Variants in C2CD5 observed in about 807,000 individuals in gnomAD.
C2CD5 encodes C2 domain-containing protein 5.
C2CD5 carries 109 observed loss-of-function variants against 130.3 expected under a neutral mutation model. The observed-to-expected ratio is 0.84, with a 90% CI of 0.72 to 0.98. The LOEUF is 0.98. Ranked by LOEUF, C2CD5 falls within the 50% of genes least tolerant of loss-of-function variation. The probability of loss-of-function intolerance (pLI) is 0.00; values close to 1 mark genes in which losing one functional copy is unlikely to be tolerated. For synonymous variants in C2CD5, 454 were observed against 429.2 expected (o/e 1.06, Z -0.71); for missense variants, 996 against 1,261.8 (o/e 0.79, Z 3.19).
chr12:22,473,362 C>A (rs961344376), intron 16 of C2CD5, among the ~76,000 whole-genome samples: 2 of 152,178 alleles, frequency 1.3e-5, no homozygotes, highest in African/African-American at 4.8e-5. Context: ...AACCTGCAGA[C>A]TCGCTAAGCT....
intron 22 of C2CD5, among the ~76,000 whole-genome samples, chr12:22,465,802 C>T (rs1941973776): frequency 6.6e-6 from 1 of 152,028 alleles, no homozygotes; most frequent in African/African-American, 2.4e-5. Context: ...TCTCATAACA[C>T]ACTCTTGAAT....
intron 22 of C2CD5, among the ~76,000 whole-genome samples, chr12:22,466,561 C>G (rs189960450): frequency 6.6e-6 from 1 of 152,078 alleles, no homozygotes; most frequent in Non-Finnish European, 1.5e-5. Context: ...TTTTAAGACT[C>G]TATTATATTT....
intron 7 of C2CD5, among the ~76,000 whole-genome samples, chr12:22,522,669 T>TC (rs1950373241): frequency 6.6e-6 from 1 of 152,202 alleles, no homozygotes; most frequent in South Asian, 2.1e-4. Flanking sequence ...TACACTCAGT[T>TC]AGTTTATTCA....
At chr12:22,481,375 G>C (rs1944681722) in intron 14 of C2CD5, among the ~76,000 whole-genome samples, 1 of 152,078 alleles carries the variant, frequency 6.6e-6, no homozygotes, top group African/African-American at 2.4e-5. Flanking sequence ...ATTCAAATTT[G>C]AAAACTGCCA....
chr12:22,496,903 A>G (rs1372356362), intron 10 of C2CD5, among the ~76,000 whole-genome samples: 1 of 152,090 alleles, frequency 6.6e-6, no homozygotes, highest in East Asian at 1.9e-4. Context: ...AATTTTTACT[A>G]CGTTACATTC....
intron 3 of C2CD5, among the ~76,000 whole-genome samples, chr12:22,532,951 G>A (rs1440137868): frequency 1.3e-5 from 2 of 152,160 alleles, no homozygotes; most frequent in African/African-American, 4.8e-5. Flanking sequence ...GTAGTCCAAT[G>A]AAAATTCCAA....
At chr12:22,500,582 T>A (rs1035325138) in intron 10 of C2CD5, among the ~76,000 whole-genome samples, 1 of 152,192 alleles carries the variant, frequency 6.6e-6, no homozygotes, top group Non-Finnish European at 1.5e-5. Context: ...AATTATTTAA[T>A]GTCTGTCTAT....
chr12:22,506,670 A>C (rs1015851878), intron 10 of C2CD5, 41 bp downstream of exon 10: 4 of 1,097,346 alleles, frequency 3.6e-6, no homozygotes, highest in Non-Finnish European at 5.5e-6. Flanking sequence ...TAATAACCAC[A>C]ATTTAAATAA....
At chr12:22,458,925 A>G (rs909915565) in intron 23 of C2CD5, 1 of 168,766 alleles carries the variant, frequency 5.9e-6, no homozygotes, top group African/African-American at 2.4e-5. Context: ...AATTTACAAT[A>G]TTTCAGTTGT....
rs1372245935 is a variant in C2CD5 at position 22,497,898 on chromosome 12, GCACACACATA to G, written c.1148-4571_1148-4562del. Among the ~76,000 whole-genome samples, 56 of 102,242 alleles carry G rather than the reference GCACACACATA, an allele frequency of 5.5e-4. 2 individuals carry two copies. In the East Asian group the frequency reaches 0.01, roughly 19 times the overall value. The allele number at this position is 102,242 out of a possible 152,430, so 67.1% of individuals were successfully genotyped here. On this transcript the variant is annotated intron_variant, in intron 10 of 26. Coordinates refer to ENST00000446597, the MANE Select transcript of C2CD5 (RefSeq NM_001286176.2). Reference sequence around the variant, plus strand: ...GTGAAATTTCACTACATACACGCATGCACACACATACACACACACACACACACACACACAC... The same window carrying G: ...GTGAAATTTCACTACATACACGCATGCACACACACACACACACACACACAC...
At chr12:22,466,977 A>G (rs1565661383) in intron 22 of C2CD5, among the ~76,000 whole-genome samples, 2 of 152,222 alleles carry the variant, frequency 1.3e-5, no homozygotes, top group Non-Finnish European at 2.9e-5. Context: ...ATATATAAAA[A>G]CATGGAATCA....
At chr12:22,520,064 G>A (rs1950135761) in intron 7 of C2CD5, among the ~76,000 whole-genome samples, 7 of 152,034 alleles carry the variant, frequency 4.6e-5, no homozygotes, top group Admixed American at 2.6e-4. Flanking sequence ...TGATATATAA[G>A]ATTTGAAATT....
chr12:22,507,575 T>C lies in C2CD5; in HGVS notation c.1039-756A>G, dbSNP rs1948707536. On this transcript the variant is annotated intron_variant, in intron 9 of 26. Coordinates refer to ENST00000446597, the MANE Select transcript of C2CD5 (RefSeq NM_001286176.2). ...CAAAGAGAAACACAAAAAAGACAAATGAAAAAGCCAAGAAAGGAAATTCAT... is the reference window on the plus strand; with the variant it reads ...CAAAGAGAAACACAAAAAAGACAAACGAAAAAGCCAAGAAAGGAAATTCAT... Among the ~76,000 whole-genome samples, 6 of 151,768 alleles carry C rather than the reference T, an allele frequency of 4.0e-5. No homozygotes were observed. In the South Asian group the frequency reaches 1.2e-3, roughly 32 times the overall value.
chr12:22,489,948 C>T (rs1946125788), intron 12 of C2CD5, among the ~76,000 whole-genome samples, 175 bp downstream of exon 12: 1 of 152,014 alleles, frequency 6.6e-6, no homozygotes, highest in Non-Finnish European at 1.5e-5. Flanking sequence ...GTGCAGAATC[C>T]AATACTCCTC....
chr12:22,521,175 G>A (rs574033997), intron 7 of C2CD5, among the ~76,000 whole-genome samples: 3 of 152,002 alleles, frequency 2.0e-5, no homozygotes, highest in Non-Finnish European at 4.4e-5. Context: ...CATAAAATAG[G>A]CTTTGAAATA....
intron 22 of C2CD5, among the ~76,000 whole-genome samples, chr12:22,468,070 CTTTT>C (rs78542498): frequency 1.7e-5 from 2 of 120,678 alleles, no homozygotes; most frequent in Non-Finnish European, 1.8e-5. Context: ...GGTTTTAGGG[CTTTT>C]TTTTTTTTTT....
intron 2 of C2CD5, among the ~76,000 whole-genome samples, chr12:22,537,454 C>T (rs1018180648): frequency 1.3e-5 from 2 of 152,052 alleles, no homozygotes; most frequent in African/African-American, 4.8e-5. Context: ...GTGTATTTTG[C>T]CAACATTGGA....
chr12:22,527,959 T>C, intron 3 of C2CD5, 67 bp from the exon 4 acceptor site: 1 of 860,750 alleles, frequency 1.2e-6, no homozygotes. Context: ...AATGTATACC[T>C]ATATCAAATG....
chr12:22,506,608 C>T, intron 10 of C2CD5, 103 bp downstream of exon 10: 2 of 696,818 alleles, frequency 2.9e-6, no homozygotes, highest in Non-Finnish European at 5.1e-6. Context: ...ACTTTCTTTT[C>T]ATTTCTCTTT....
Sources: allele counts gnomAD v4.1 joint callset (sites outside exome capture counted in the v4.1 genomes callset), GRCh38; gene constraint gnomAD v4.1.1; transcripts MANE v1.5; gene names NCBI Gene and HGNC (gene_info 2026-07-23, HGNC 2026-07-21).